WDR19: variants seen among roughly 807,000 people sequenced by gnomAD.
WDR19 encodes the protein WD repeat-containing protein 19.
In WDR19, 121 loss-of-function variants were observed where a neutral mutation model predicts 180.0. The ratio of observed to expected loss-of-function variants is 0.67; its 90% CI spans 0.58 to 0.78. The LOEUF is 0.78. WDR19 is among the 30% of genes least tolerant of loss of function. The pLI, the probability that WDR19 is intolerant of heterozygous loss-of-function variation, is 0.00. For missense variants in WDR19, 1,450 were observed against 1,640.7 expected (o/e 0.88, Z 2.01); for synonymous variants, 497 against 540.7 (o/e 0.92, Z 1.12).
chr4:39,189,591 A>G (rs371915127), intron 3 of WDR19, 65 bp from the exon 4 acceptor site: 3 of 1,400,994 alleles, frequency 2.1e-6, no homozygotes, highest in African/African-American at 3.0e-5. Flanking sequence ...TTATAGACAA[A>G]AATCACAAAT....
At chr4:39,255,094 G>A (rs759902711) in intron 26 of WDR19, among the ~76,000 whole-genome samples, 2 of 152,178 alleles carry the variant, frequency 1.3e-5, no homozygotes, top group Non-Finnish European at 2.9e-5. Flanking sequence ...AAGGAGTACA[G>A]ATAGGCAACT....
chr4:39,265,944 T>C, intron 28 of WDR19, 119 bp from the exon 29 acceptor site: 1 of 811,970 alleles, frequency 1.2e-6, no homozygotes, highest in Non-Finnish European at 2.0e-6. Flanking sequence ...TCAGGCACTT[T>C]ACTATAGATA....
chr4:39,191,256 A>G (rs1726121851), intron 4 of WDR19, among the ~76,000 whole-genome samples: 1 of 152,250 alleles, frequency 6.6e-6, no homozygotes, highest in African/African-American at 2.4e-5. Flanking sequence ...CTAGCTAGTT[A>G]TTAAACAAAA....
At chr4:39,239,808 G>A (rs1391722110) in intron 20 of WDR19, among the ~76,000 whole-genome samples, 3 of 152,186 alleles carry the variant, frequency 2.0e-5, no homozygotes, top group Non-Finnish European at 4.4e-5. Context: ...GAATGCATCT[G>A]TAGTGTTCCA....
chr4:39,245,240 C>A, intron 23 of WDR19, 129 bp from the exon 24 acceptor site: 1 of 717,308 alleles, frequency 1.4e-6, no homozygotes, highest in Non-Finnish European at 2.2e-6. Context: ...TGCACCCCGC[C>A]AGGAGCCAAG....
chr4:39,184,048 T>C (rs568301044), intron 1 of WDR19, among the ~76,000 whole-genome samples: 2 of 152,318 alleles, frequency 1.3e-5, no homozygotes, highest in South Asian at 2.1e-4. Context: ...TATAAAACTT[T>C]TATGTCCCAT....
At chr4:39,252,122 T>A (rs1175968508) in intron 24 of WDR19, among the ~76,000 whole-genome samples, 2 of 151,666 alleles carry the variant, frequency 1.3e-5, no homozygotes, top group African/African-American at 4.9e-5. Context: ...TGTCCAACAA[T>A]GATAGACTGG....
At chr4:39,257,457 A>T in intron 27 of WDR19, 29 bp from the exon 28 acceptor site, 1 of 1,555,130 alleles carries the variant, frequency 6.4e-7, no homozygotes, top group Non-Finnish European at 8.7e-7. Flanking sequence ...CATTCTGAAA[A>T]TTTTTAATTG....
rs2109301305 is a variant in WDR19, at chr4:39,205,656, G to A, written c.810G>A (p.Gln270=). ...GAGAGCTTGGTCAAGAGATATTTCA[G>A]GCTCGTAACCATAAAGATAATCTAA... ...HTGELGQEIF[Q]ARNHKDNLTS... Residue 270 remains glutamine, a synonymous_variant, in exon 9 of 37, where the codon CAG becomes CAA. Transcript: ENST00000399820. 6.2e-7 allele frequency: 1 copy of A among 1,612,364 alleles called. No individual in the cohort carries two copies. Among genetic ancestry groups the A allele is most frequent in the Middle Eastern group, 1.7e-4 (1 of 6,056 alleles).
chr4:39,266,555 T>C (rs897512848), intron 29 of WDR19, among the ~76,000 whole-genome samples: 2 of 152,192 alleles, frequency 1.3e-5, no homozygotes, highest in African/African-American at 4.8e-5. Flanking sequence ...TAAAATTGGC[T>C]TTGCCACCTA....
chr4:39,271,794 A>T (rs904084645), intron 31 of WDR19, among the ~76,000 whole-genome samples: 1 of 152,218 alleles, frequency 6.6e-6, no homozygotes, highest in Admixed American at 6.5e-5. Flanking sequence ...TATTGTCTAT[A>T]TCAGCACTGT....
chr4:39,280,949 A>G (rs922594686), intron 36 of WDR19, among the ~76,000 whole-genome samples: 4 of 152,132 alleles, frequency 2.6e-5, no homozygotes, highest in Admixed American at 2.6e-4. Flanking sequence ...GTAGATATCC[A>G]GCTGACCCGG....
chr4:39,193,301 A>G (rs1209861339), intron 4 of WDR19, among the ~76,000 whole-genome samples: 1 of 151,608 alleles, frequency 6.6e-6, no homozygotes, highest in Non-Finnish European at 1.5e-5. Flanking sequence ...AGCTGGGACT[A>G]CAGGTGCATG....
intron 24 of WDR19, among the ~76,000 whole-genome samples, chr4:39,251,657 A>G (rs1733202582): frequency 6.6e-6 from 1 of 152,168 alleles, no homozygotes; most frequent in South Asian, 2.1e-4. Flanking sequence ...ACTCAAACAA[A>G]TTTACAAGAA....
intron 5 of WDR19, among the ~76,000 whole-genome samples, chr4:39,195,895 TAAAC>T (rs1726699465): frequency 6.6e-6 from 1 of 152,258 alleles, no homozygotes; most frequent in Non-Finnish European, 1.5e-5. Flanking sequence ...TTTGAAAAGT[TAAAC>T]TAAATTTTTT....
chr4:39,247,913 A>G (rs1481235879), intron 24 of WDR19, among the ~76,000 whole-genome samples: 4 of 152,242 alleles, frequency 2.6e-5, no homozygotes, highest in Non-Finnish European at 5.9e-5. Context: ...GAATGGAACC[A>G]AGTTGGAAAA....
chr4:39,246,046 C>T (rs769682732), intron 24 of WDR19, among the ~76,000 whole-genome samples: 222 of 152,176 alleles, frequency 1.5e-3, no homozygotes, highest in Middle Eastern at 3.4e-3. Flanking sequence ...AGAACACAAG[C>T]GCCAGAGGAG....
At chr4:39,228,857 T>TA (rs1417991254) in intron 17 of WDR19, among the ~76,000 whole-genome samples, 167 bp downstream of exon 17, 1 of 152,054 alleles carries the variant, frequency 6.6e-6, no homozygotes, top group Admixed American at 6.6e-5. Context: ...GCTACATGGA[T>TA]ATAGTGCATA....
At chr4:39,203,111 T>TC (rs1727548753) in intron 6 of WDR19, among the ~76,000 whole-genome samples, 1 of 150,210 alleles carries the variant, frequency 6.7e-6, no homozygotes, top group Non-Finnish European at 1.5e-5. Flanking sequence ...TCTTTTTCTT[T>TC]CTTTTTTTTT....
Sources: allele counts gnomAD v4.1 joint callset (sites outside exome capture counted in the v4.1 genomes callset), GRCh38; gene constraint gnomAD v4.1.1; transcripts MANE v1.5; gene names NCBI Gene and HGNC (gene_info 2026-07-23, HGNC 2026-07-21).